Variants in APC observed in about 807,000 individuals in gnomAD.
APC encodes the protein APC regulator of Wnt signaling pathway.
A neutral mutation model predicts 247.0 loss-of-function variants in APC; 72 were observed. The ratio of observed to expected loss-of-function variants is 0.29; its 90% CI spans 0.24 to 0.35. The LOEUF (loss-of-function observed/expected upper bound fraction) is 0.35. Ranked by LOEUF, APC falls within the 10% of genes least tolerant of loss-of-function variation. The pLI is 1.00. For synonymous variants in APC, 1,254 were observed against 1,162.5 expected (o/e 1.08, Z -1.60); for missense variants, 3,400 against 3,360.7 (o/e 1.01, Z -0.29).
In APC at chr5:112,844,750, A is replaced by G. The variant is rs886059806; in HGVS notation, c.*624A>G. The G allele has an allele frequency of 4.3e-6, 1 of 231,798 alleles. No individual in the cohort carries two copies. Among genetic ancestry groups the G allele is most frequent in the African/African-American group, 2.2e-5 (1 of 45,278 alleles). 14.4% of individuals were successfully genotyped at this position (231,798 alleles called of 1,614,324 possible). A position where few individuals can be genotyped will look rare whatever the true frequency, so the allele number is the denominator to read the frequency against. On this transcript the variant is annotated 3_prime_UTR_variant, in exon 16 of 16. Coordinates refer to ENST00000257430, the MANE Select transcript of APC (RefSeq NM_000038.6). ...TAGCTACAGTGTAATAATTTACACTATTTTGTGCTCCAAACAAAACAAAAA... is the reference window on the plus strand; with the variant it reads ...TAGCTACAGTGTAATAATTTACACTGTTTTGTGCTCCAAACAAAACAAAAA...
At chr5:112,827,305 C>T (rs1449713876) in intron 12 of APC, 58 bp downstream of exon 12, 1 of 1,571,370 alleles carries the variant, frequency 6.4e-7, no homozygotes, top group Non-Finnish European at 8.8e-7. Context: ...AATTTACTTT[C>T]ATACAAATAC....
intron 6 of APC, among the ~76,000 whole-genome samples, chr5:112,784,202 G>C (rs1758694441): frequency 6.6e-6 from 1 of 152,058 alleles, no homozygotes; most frequent in African/African-American, 2.4e-5. Context: ...TGAGTAGCTG[G>C]GACTATAGTT....
chr5:112,837,363 TA>T (rs1765044103), intron 15 of APC, among the ~76,000 whole-genome samples, 189 bp from the exon 16 acceptor site: 1 of 152,036 alleles, frequency 6.6e-6, no homozygotes, highest in South Asian at 2.1e-4. Context: ...TTACTTTTTT[TA>T]GTGTGACAGA....
At chr5:112,794,922 G>A (rs1475157895) in intron 7 of APC, among the ~76,000 whole-genome samples, 4 of 152,202 alleles carry the variant, frequency 2.6e-5, no homozygotes, top group Non-Finnish European at 5.9e-5. Context: ...AGACATATGG[G>A]GCAAGGCCTA....
chr5:112,762,161 G>A (rs1278828146), intron 2 of APC, among the ~76,000 whole-genome samples: 2 of 152,174 alleles, frequency 1.3e-5, no homozygotes, highest in Non-Finnish European at 2.9e-5. Context: ...GCATCATTTG[G>A]CATCAGGGAA....
chr5:112,727,363 G>A (rs745396635), intron 1 of APC, among the ~76,000 whole-genome samples: 3 of 152,122 alleles, frequency 2.0e-5, no homozygotes, highest in South Asian at 2.1e-4. Flanking sequence ...GCCATCTGCA[G>A]TTATTAAATA....
At chr5:112,707,906 C>T (rs2149631670) in intron 1 of APC, 1 of 1,350,050 alleles carries the variant, frequency 7.4e-7, no homozygotes. Flanking sequence ...CAGGCATTGA[C>T]GTCTCCTCCC....
chr5:112,708,032 C>G, intron 1 of APC: 1 of 837,718 alleles, frequency 1.2e-6, no homozygotes, highest in Non-Finnish European at 1.6e-6. Flanking sequence ...ACTCCCCATT[C>G]AGGCCTCCAG....
At position 112,726,140 on chromosome 5, in the gene APC, A is replaced by G. The variant is rs531761174; in HGVS notation, c.165+18258A>G. On this transcript the variant is annotated intron_variant, in intron 1 of 13. Transcript: ENST00000507379. ...GCAGCATCCAGGGGTGGGAGCCTGC[A>G]GCTCCTGAAGCCCAAGTGGGCATGT... Among the ~76,000 whole-genome samples the G allele has an allele frequency of 3.3e-5, 5 of 152,324 alleles. No individual in the cohort carries two copies. In the East Asian group the frequency reaches 9.7e-4, roughly 29 times the overall value.
At chr5:112,780,965 A>C in intron 6 of APC, 62 bp downstream of exon 6, 1 of 1,084,626 alleles carries the variant, frequency 9.2e-7, no homozygotes, top group Non-Finnish European at 1.4e-6. Flanking sequence ...AATGAATTAC[A>C]GCTCTGTTAA....
At chr5:112,771,291 T>C (rs1029446849) in intron 4 of APC, among the ~76,000 whole-genome samples, 4 of 152,168 alleles carry the variant, frequency 2.6e-5, no homozygotes, top group South Asian at 2.1e-4. Context: ...TATGATAATA[T>C]GAGGATCTAG....
rs1288773867 is a variant in APC, at chr5:112,842,786, T to A, written c.7192T>A (p.Ser2398Thr). 1.9e-6 allele frequency: 3 copies of A among 1,613,720 alleles called. No homozygotes were observed. Among genetic ancestry groups the A allele is most frequent in the Non-Finnish European group, 2.5e-6 (3 of 1,179,712 alleles). The change falls in exon 16 of 16, where the codon TCC becomes ACC. Residue 2398 changes from serine (S) to threonine (T), a missense_variant. Coordinates refer to ENST00000257430, the MANE Select transcript of APC (RefSeq NM_000038.6). ...TAGTATTCCAAGAAGTGAGTCTGCC[T>A]CCAAAGGACTAAATCAGATGAATAA... The part of the protein sequence containing the change: ...ASSIPRSESA[S>T]KGLNQMNNGN...
At chr5:112,828,168 G>A (rs886584739) in intron 13 of APC, among the ~76,000 whole-genome samples, 162 bp downstream of exon 13, 1 of 151,944 alleles carries the variant, frequency 6.6e-6, no homozygotes, top group Non-Finnish European at 1.5e-5. Flanking sequence ...CTCGAGGCTG[G>A]GCCTACAGGT....
At chr5:112,771,458 T>TG (rs1211855246) in intron 4 of APC, among the ~76,000 whole-genome samples, 1 of 152,208 alleles carries the variant, frequency 6.6e-6, no homozygotes, top group Non-Finnish European at 1.5e-5. Context: ...TCTTGACTCT[T>TG]GCTGTGTTGG....
At chr5:112,814,112 G>A (rs1762248272) in intron 8 of APC, among the ~76,000 whole-genome samples, 1 of 152,202 alleles carries the variant, frequency 6.6e-6, no homozygotes, top group South Asian at 2.1e-4. Flanking sequence ...TAAAGTTTCT[G>A]TCCTCAAATA....
At chr5:112,796,826 C>CT (rs1057239366) in intron 7 of APC, among the ~76,000 whole-genome samples, 2 of 151,826 alleles carry the variant, frequency 1.3e-5, no homozygotes, top group African/African-American at 4.8e-5. Context: ...ACAGTTAGTT[C>CT]TTTCCCCCCC....
chr5:112,711,773 C>G (rs551781179), intron 1 of APC, among the ~76,000 whole-genome samples: 1 of 152,272 alleles, frequency 6.6e-6, no homozygotes, highest in East Asian at 1.9e-4. Context: ...TTGGCAAGTA[C>G]ATAGATAGAA....
chr5:112,757,359 C>T (rs1307245252), intron 2 of APC, among the ~76,000 whole-genome samples: 4 of 152,086 alleles, frequency 2.6e-5, no homozygotes, highest in Admixed American at 6.6e-5. Context: ...TTATTTCTCC[C>T]AAAATCACTT....
intron 8 of APC, among the ~76,000 whole-genome samples, chr5:112,802,426 T>C (rs969334653): frequency 1.3e-5 from 2 of 152,108 alleles, no homozygotes; most frequent in African/African-American, 2.4e-5. Context: ...AACATTTATA[T>C]ATTCCTACAC....
Sources: gnomAD v4.1 joint callset for allele counts (sites outside exome capture counted in the v4.1 genomes callset) on GRCh38, gnomAD v4.1.1 for gene constraint, MANE v1.5 for transcripts, NCBI Gene and HGNC (gene_info 2026-07-23, HGNC 2026-07-21) for gene names.